Variants in POGLUT3 observed in about 807,000 individuals in gnomAD.
POGLUT3 encodes the protein KDEL (Lys-Asp-Glu-Leu) containing 2.
A neutral mutation model predicts 54.3 loss-of-function variants in POGLUT3; 48 were observed. That is an observed-to-expected ratio of 0.88 (90% CI 0.70 to 1.12). The LOEUF (loss-of-function observed/expected upper bound fraction) is 1.12, where lower values mean the gene tolerates loss of function less well. POGLUT3 is among the 50% of genes most tolerant of loss of function. The pLI is 0.00. For synonymous variants in POGLUT3, 218 were observed against 237.4 expected, an observed-to-expected ratio of 0.92 and a Z score of 0.75; for missense variants, 629 against 618.7, an observed-to-expected ratio of 1.02 and a Z score of -0.18.
intron 2 of POGLUT3, among the ~76,000 whole-genome samples, chr11:108,490,084 G>C (rs2093610448): frequency 6.6e-6 from 1 of 152,084 alleles, no homozygotes; most frequent in South Asian, 2.1e-4. Context: ...TTGCCATGTT[G>C]CTCAGCGTGG....
intron 7 of POGLUT3, 76 bp from the exon 8 acceptor site, chr11:108,475,028 C>T (rs564834846): frequency 3.4e-5 from 50 of 1,462,640 alleles, no homozygotes; most frequent in Middle Eastern, 2.2e-4. Context: ...CACTCCCATC[C>T]GCAGTCACGC....
At chr11:108,496,068 G>T (rs117576837) in intron 1 of POGLUT3, among the ~76,000 whole-genome samples, 29 of 152,158 alleles carry the variant, frequency 1.9e-4, no homozygotes, top group Admixed American at 5.9e-4. Context: ...GATTTTAACT[G>T]AGAGTCTTTA....
chr11:108,486,990 T>G (rs1215061423), intron 2 of POGLUT3: 1 of 152,796 alleles, frequency 6.5e-6, no homozygotes, highest in Non-Finnish European at 1.5e-5. Context: ...GAACTGACTC[T>G]TTAAGTCTGA....
chr11:108,481,527 T>C (rs1171332946), intron 4 of POGLUT3, 151 bp from the exon 5 acceptor site: 18 of 585,582 alleles, frequency 3.1e-5, no homozygotes, highest in Non-Finnish European at 4.6e-5. Context: ...TCAACGAAAA[T>C]ATGGGATTGA....
chr11:108,483,735 CT>C (rs2093597087), intron 3 of POGLUT3, among the ~76,000 whole-genome samples: 1 of 152,174 alleles, frequency 6.6e-6, no homozygotes, highest in African/African-American at 2.4e-5. Context: ...GTGGCGTGAT[CT>C]TGGCTCACCA....
At chr11:108,479,040 T>C (rs910110656) in intron 6 of POGLUT3, among the ~76,000 whole-genome samples, 1 of 152,244 alleles carries the variant, frequency 6.6e-6, no homozygotes, top group Non-Finnish European at 1.5e-5. Context: ...CTTGTTTGTA[T>C]GTGTAAACAT....
chr11:108,479,382 G>A lies in POGLUT3; in HGVS notation c.1212C>T (p.Tyr404=). ...KQDSPYYEHF[Y]MALEPWKHYV... ...AATGCTTCCAAGGTTCTAGTGCCAT[G>A]TAGAAATGTTCATAATATGGCGAGT... The change falls in exon 6 of 8, where the codon TAC becomes TAT. Residue 404 remains tyrosine, a synonymous_variant. Coordinates refer to ENST00000323468, the MANE Select transcript of POGLUT3 (RefSeq NM_153705.5). 2 of 1,612,782 alleles carry A rather than the reference G, an allele frequency of 1.2e-6. No individual in the cohort carries two copies. Among genetic ancestry groups the A allele is most frequent in the Non-Finnish European group, 1.7e-6 (2 of 1,179,604 alleles).
chr11:108,484,819 TA>T (rs1347290464), intron 3 of POGLUT3, among the ~76,000 whole-genome samples: 1 of 152,108 alleles, frequency 6.6e-6, no homozygotes, highest in East Asian at 1.9e-4. Flanking sequence ...GTAAGAAAGA[TA>T]AATATTGCCC....
chr11:108,486,822 A>G (rs919023149), intron 2 of POGLUT3: 27 of 165,440 alleles, frequency 1.6e-4, no homozygotes, highest in Admixed American at 1.3e-3. Flanking sequence ...AGACCGTCCA[A>G]ATGGATCCCT....
At chr11:108,482,315 A>G in intron 3 of POGLUT3, 93 bp from the exon 4 acceptor site, 1 of 831,688 alleles carries the variant, frequency 1.2e-6, no homozygotes, top group East Asian at 2.6e-5. Flanking sequence ...CATATTTTTG[A>G]CAGGGCTAAC....
At chr11:108,476,843 G>A (rs2093582870) in intron 7 of POGLUT3, among the ~76,000 whole-genome samples, 1 of 152,092 alleles carries the variant, frequency 6.6e-6, no homozygotes, top group African/African-American at 2.4e-5. Context: ...ATTCTGCCTT[G>A]TACTATAAAA....
chr11:108,491,737 G>C (rs1238355872), intron 1 of POGLUT3, among the ~76,000 whole-genome samples: 4 of 152,104 alleles, frequency 2.6e-5, no homozygotes, highest in Non-Finnish European at 5.9e-5. Flanking sequence ...TGAATCATTA[G>C]TCATTCAATA....
At chr11:108,479,214 G>T in intron 6 of POGLUT3, 87 bp downstream of exon 6, 2 of 879,116 alleles carry the variant, frequency 2.3e-6, no homozygotes, top group Non-Finnish European at 3.4e-6. Context: ...ATTCCATTAT[G>T]TCAAATCAAA....
intron 7 of POGLUT3, among the ~76,000 whole-genome samples, chr11:108,475,463 G>GTTTTTTTTTTT (rs367899085): frequency 0.014 from 1,566 of 109,408 alleles, 57 homozygotes; most frequent in Non-Finnish European, 0.019. Context: ...AGTTTTTTTT[G>GTTTTTTTTTTT]TTTTTGTTTT....
rs751860699 is a variant in POGLUT3 at position 108,482,091 on chromosome 11, GACA to G, written c.813_815del (p.Val272del). On this transcript the variant is annotated inframe_deletion, in exon 4 of 8. Coordinates refer to ENST00000323468, the MANE Select transcript of POGLUT3 (RefSeq NM_153705.5). ...AGTGGGTGATGTCATACGTTGGAAG[GACA>G]ACATCTCTTGAATCCAGAGAGCCAC... The G allele has an allele frequency of 5.6e-6, 9 of 1,614,136 alleles. No homozygotes were observed. The Admixed American group carries it at 1.0e-4, about 18-fold the overall frequency.
chr11:108,494,052 T>C (rs1292355361), intron 1 of POGLUT3, among the ~76,000 whole-genome samples: 3 of 152,204 alleles, frequency 2.0e-5, no homozygotes, highest in Admixed American at 6.5e-5. Context: ...ATATGTATTT[T>C]CTATGTCATT....
chr11:108,479,917 T>C (rs780289840), intron 5 of POGLUT3, among the ~76,000 whole-genome samples: 3 of 152,152 alleles, frequency 2.0e-5, no homozygotes, highest in Non-Finnish European at 4.4e-5. Flanking sequence ...CACTGCAACC[T>C]CCACCTCCTG....
chr11:108,483,394 C>G (rs1277710678), intron 3 of POGLUT3, among the ~76,000 whole-genome samples: 2 of 152,176 alleles, frequency 1.3e-5, no homozygotes, highest in Non-Finnish European at 2.9e-5. Flanking sequence ...GATCTAACAC[C>G]ACCTCTTCTA....
In POGLUT3 at chr11:108,498,366, T is replaced by TG. The variant is rs1187320231; in HGVS notation, c.-1dup. ...AGCAGGGCCCGCGGGAGGCGGCGCA[T>TG]GGTCGGCGGGGCACAACTGCGGTCC... On this transcript the variant is annotated 5_prime_UTR_variant, in exon 1 of 8. Transcript: ENST00000323468. 2 of 1,309,450 alleles carry TG rather than the reference T, an allele frequency of 1.5e-6. No individual in the cohort carries two copies. The highest frequency in any genetic ancestry group is 1.6e-5 in the African/African-American group (1 of 63,976). 81.1% of individuals were successfully genotyped at this position (1,309,450 alleles called of 1,614,324 possible).
Sources: allele counts gnomAD v4.1 joint callset (sites outside exome capture counted in the v4.1 genomes callset), GRCh38; gene constraint gnomAD v4.1.1; transcripts MANE v1.5; gene names NCBI Gene and HGNC (gene_info 2026-07-23, HGNC 2026-07-21).